Variants in CNTNAP4 observed in about 807,000 individuals in gnomAD.
The protein encoded by CNTNAP4 is contactin associated protein family member 4, also known as contactin-associated protein-like 4.
Under a neutral mutation model 148.4 loss-of-function variants are expected in CNTNAP4, and 98 were observed. That is an observed-to-expected ratio of 0.66 (90% CI 0.56 to 0.78). The LOEUF (loss-of-function observed/expected upper bound fraction) is 0.78, where lower values mean the gene tolerates loss of function less well. CNTNAP4 is among the 30% of genes least tolerant of loss of function. CNTNAP4 has a pLI of 0.00. For missense variants in CNTNAP4, 1,935 were observed against 1,565.6 expected (o/e 1.24, Z -3.98); for synonymous variants, 730 against 565.1 (o/e 1.29, Z -4.14).
In CNTNAP4 at chr16:76,522,182, C is replaced by G; in HGVS notation, c.2680C>G (p.Gln894Glu). 6.2e-7 allele frequency: 1 copy of G among 1,613,964 alleles called. No homozygotes were observed. The highest frequency in any genetic ancestry group is 8.5e-7 in the Non-Finnish European group (1 of 1,179,884). Residue 894 changes from glutamine (Q) to glutamate (E), a missense_variant, in exon 17 of 24, where the codon CAG becomes GAG. Gln to Glu is a conservative substitution (Grantham distance 29). Transcript: ENST00000611870. ...GAAGGAGGCCTCCCTTCAAGTGGAT[C>G]AGCTGACACCAAAGACACAGCCCGC... is the stretch of plus-strand genomic sequence containing the variant. The part of the protein sequence containing the change: ...NMKEASLQVD[Q>E]LTPKTQPAPA...
At chr16:76,396,780 C>A (rs903178857) in intron 3 of CNTNAP4, among the ~76,000 whole-genome samples, 1 of 152,192 alleles carries the variant, frequency 6.6e-6, no homozygotes, top group African/African-American at 2.4e-5. Context: ...TTCAACACTT[C>A]CTGCAAAGAT....
intron 2 of CNTNAP4, among the ~76,000 whole-genome samples, chr16:76,346,900 C>G (rs959492650): frequency 6.6e-6 from 1 of 152,070 alleles, no homozygotes; most frequent in African/African-American, 2.4e-5. Context: ...TCTGGCAATA[C>G]AAGAAGTAAG....
chr16:76,494,833 G>T (rs17767471), intron 13 of CNTNAP4, 77 bp from the exon 14 acceptor site: 1 of 1,385,598 alleles, frequency 7.2e-7, no homozygotes. Context: ...AATGATTTTG[G>T]AAGAAAAGGA....
intron 2 of CNTNAP4, among the ~76,000 whole-genome samples, chr16:76,326,421 A>G (rs1452620937): frequency 6.6e-6 from 1 of 152,176 alleles, no homozygotes; most frequent in African/African-American, 2.4e-5. Flanking sequence ...CCAGCAGGGG[A>G]TGGACGGATC....
chr16:76,444,157 C>T (rs183067358), intron 4 of CNTNAP4, among the ~76,000 whole-genome samples: 23 of 152,112 alleles, frequency 1.5e-4, no homozygotes, highest in East Asian at 3.9e-4. Context: ...TAGGTAGATA[C>T]GCAAGAAGTT....
rs558814796 is a variant in CNTNAP4 at position 76,307,539 on chromosome 16, T to TATATATATATATAC, written c.86-8873_86-8872insTATATATATATACA. Among the ~76,000 whole-genome samples the TATATATATATATAC allele has an allele frequency of 1.6e-3, 194 of 119,350 alleles. 18 individuals carry two copies. The highest frequency in any genetic ancestry group is 3.3e-3 in the African/African-American group (100 of 29,856). The allele number at this position is 119,350 out of a possible 152,430, so 78.3% of individuals were successfully genotyped here. A position where few individuals can be genotyped will look rare whatever the true frequency, so the allele number is the denominator to read the frequency against. On this transcript the variant is annotated intron_variant, in intron 1 of 23. Coordinates refer to ENST00000611870, the MANE Select transcript of CNTNAP4 (RefSeq NM_033401.5). ...ATATATATATATATATATATATATA[T>TATATATATATATAC]ACCAAACTCCAGAAATGCTTACCCC...
intron 21 of CNTNAP4, among the ~76,000 whole-genome samples, chr16:76,541,903 A>C (rs1259447455): frequency 6.6e-6 from 1 of 152,228 alleles, no homozygotes; most frequent in Non-Finnish European, 1.5e-5. Context: ...TTGGAAGCTT[A>C]ACTGAAAAAT....
At chr16:76,553,230 C>T (rs909438612) in intron 21 of CNTNAP4, 53 bp from the exon 22 acceptor site, 88 of 1,077,378 alleles carry the variant, frequency 8.2e-5, no homozygotes, top group African/African-American at 4.1e-4. Flanking sequence ...TCTGCATCAT[C>T]GCCTATTTTC....
intron 21 of CNTNAP4, among the ~76,000 whole-genome samples, chr16:76,545,068 A>G (rs1262395923): frequency 6.6e-6 from 1 of 152,250 alleles, no homozygotes; most frequent in African/African-American, 2.4e-5. Context: ...ATAATTTTCA[A>G]AATAATGGAT....
chr16:76,388,270 G>A (rs918262874), intron 3 of CNTNAP4, among the ~76,000 whole-genome samples: 5 of 152,172 alleles, frequency 3.3e-5, no homozygotes, highest in African/African-American at 1.2e-4. Flanking sequence ...ATCGTGGAGT[G>A]CCAGGAATTC....
chr16:76,539,820 A>T lies in CNTNAP4; in HGVS notation c.3322A>T (p.Ile1108Phe), dbSNP rs755030408. ...MADGQLHHIM[I>F]NREEGVVFIE... is the part of the protein sequence containing the mutation. ...TGATGGACAACTTCACCACATAATG[A>T]TTAACAGAGAAGAAGGAGTGGTCTT... Residue 1108 changes from isoleucine to phenylalanine, a missense_variant, in exon 20 of 24, where the codon ATT becomes TTT. Ile to Phe is a conservative substitution (Grantham distance 21, BLOSUM62 0). Transcript: ENST00000611870. 1.3e-6 allele frequency: 2 copies of T among 1,599,274 alleles called. No homozygotes were observed. Among genetic ancestry groups the T allele is most frequent in the Non-Finnish European group, 1.7e-6 (2 of 1,174,794 alleles).
chr16:76,492,417 G>A (rs2082254986), intron 13 of CNTNAP4, among the ~76,000 whole-genome samples: 2 of 152,134 alleles, frequency 1.3e-5, no homozygotes, highest in South Asian at 2.1e-4. Flanking sequence ...AAAATAAAAT[G>A]TAAGAAAATA....
intron 15 of CNTNAP4, among the ~76,000 whole-genome samples, chr16:76,499,679 T>A (rs1043218594): frequency 1.3e-5 from 2 of 150,134 alleles, no homozygotes; most frequent in African/African-American, 4.9e-5. Context: ...CAAAGGTCTC[T>A]GGTTTTCCTA....
chr16:76,314,795 C>A (rs1057299945), intron 1 of CNTNAP4, among the ~76,000 whole-genome samples: 1 of 152,122 alleles, frequency 6.6e-6, no homozygotes, highest in Non-Finnish European at 1.5e-5. Context: ...ACCTCTGAGA[C>A]CACCTATCCC....
intron 3 of CNTNAP4, among the ~76,000 whole-genome samples, chr16:76,394,727 A>C (rs968062385): frequency 3.9e-5 from 6 of 152,234 alleles, no homozygotes; most frequent in Non-Finnish European, 8.8e-5. Flanking sequence ...ATTCAATTAA[A>C]ATGTTAATCA....
intron 13 of CNTNAP4, among the ~76,000 whole-genome samples, chr16:76,491,249 A>G (rs551357661): frequency 4.6e-5 from 7 of 152,244 alleles, no homozygotes; most frequent in African/African-American, 1.7e-4. Context: ...TGGAACCTCA[A>G]TTCTGTGTGC....
rs1424435372 is a variant in CNTNAP4, at chr16:76,559,592, T to C, written c.*909T>C. On this transcript the variant is annotated 3_prime_UTR_variant, in exon 24 of 24. Transcript: ENST00000611870. Reference sequence around the variant, plus strand: ...CAACTGTAATACCTCAAATGAAATATACTTATGAGACTATTTTGCCCAAAC... The same window carrying C: ...CAACTGTAATACCTCAAATGAAATACACTTATGAGACTATTTTGCCCAAAC... Among the ~76,000 whole-genome samples the C allele has an allele frequency of 6.6e-6, 1 of 152,166 alleles. No homozygotes were observed. Among genetic ancestry groups the C allele is most frequent in the Non-Finnish European group, 1.5e-5 (1 of 68,030 alleles).
rs569329849 is a variant in CNTNAP4, at chr16:76,351,359, G to T, written c.197-3959G>T. Among the ~76,000 whole-genome samples, 5 of 144,156 alleles carry T rather than the reference G, an allele frequency of 3.5e-5. No homozygotes were observed. In the South Asian group the frequency reaches 1.1e-3, roughly 32 times the overall value. 94.6% of individuals were successfully genotyped at this position (144,156 alleles called of 152,430 possible). ...ATGTCACTAGCTGTCATCATAGGCT[G>T]GCCCAAAAAAAAAAAAAATTCTGCA... On this transcript the variant is annotated intron_variant, in intron 2 of 23. Coordinates refer to ENST00000611870, the MANE Select transcript of CNTNAP4 (RefSeq NM_033401.5).
chr16:76,500,884 T>C (rs2082611483), intron 15 of CNTNAP4, among the ~76,000 whole-genome samples: 1 of 152,144 alleles, frequency 6.6e-6, no homozygotes, highest in South Asian at 2.1e-4. Context: ...GCATTAAATA[T>C]GTATGCTTTT....
Sources: gnomAD v4.1 joint callset for allele counts (sites outside exome capture counted in the v4.1 genomes callset) on GRCh38, gnomAD v4.1.1 for gene constraint, MANE v1.5 for transcripts, NCBI Gene and HGNC (gene_info 2026-07-23, HGNC 2026-07-21) for gene names.